The following SPEG variants were observed in gnomAD, a reference collection of about 807,000 sequenced individuals.
SPEG encodes striated muscle preferentially expressed protein kinase.
A neutral mutation model predicts 300.4 loss-of-function variants in SPEG; 114 were observed. The observed-to-expected ratio is 0.38, with a 90% confidence interval of 0.33 to 0.44. The LOEUF (loss-of-function observed/expected upper bound fraction) is 0.44, where lower values mean the gene tolerates loss of function less well. Ranked by LOEUF, SPEG falls within the 20% of genes least tolerant of loss-of-function variation. SPEG has a pLI of 1.00. For missense variants in SPEG, 4,201 were observed against 4,586.2 expected (o/e 0.92, Z 2.43); for synonymous variants, 1,964 against 2,018.9 (o/e 0.97, Z 0.73).
rs1691278962 is a variant in SPEG at position 219,465,931 on chromosome 2, G to A, written c.2882-1243G>A. On this transcript the variant is annotated intron_variant, in intron 9 of 40. Transcript: ENST00000312358. The stretch of plus-strand genomic sequence containing the variant: ...TGCATGCGTGTGTGTGTGCGCGCGT[G>A]TGCGTGCACGTGTGCGTGCATGTGT... 73 of 628,626 alleles carry A rather than the reference G, an allele frequency of 1.2e-4. 1 individual carries two copies. The South Asian group carries it at 1.4e-3, about 12-fold the overall frequency. The allele number at this position is 628,626 out of a possible 1,614,324, so 38.9% of individuals were successfully genotyped here. A position where few individuals can be genotyped will look rare whatever the true frequency, so the allele number is the denominator to read the frequency against.
rs75509518 is a variant in SPEG, at chr2:219,467,580, C to A, written c.3142+146C>A. 8,390 of 916,680 alleles carry A rather than the reference C, an allele frequency of 9.2e-3. 79 individuals carry two copies. The highest frequency in any genetic ancestry group is 0.02 in the South Asian group (1,171 of 58,442). 56.8% of individuals were successfully genotyped at this position (916,680 alleles called of 1,614,324 possible). Reference sequence around the variant, plus strand: ...GGTGGGAGCTAGTACATTGCCTTGGCCTCAATAAAATAAGCACTTAGAATA... The same window carrying A: ...GGTGGGAGCTAGTACATTGCCTTGGACTCAATAAAATAAGCACTTAGAATA... On this transcript the variant is annotated intron_variant, in intron 10 of 40. Coordinates refer to ENST00000312358, the MANE Select transcript of SPEG (RefSeq NM_005876.5).
chr2:219,468,772 C>G (rs1022919318), intron 11 of SPEG, 36 bp downstream of exon 11: 4 of 1,611,404 alleles, frequency 2.5e-6, no homozygotes, highest in African/African-American at 2.7e-5. Flanking sequence ...GAGGGCCCCC[C>G]CAAGGGCCCA....
At position 219,445,248 on chromosome 2, in the gene SPEG, A is replaced by G. The variant is rs1689194204; in HGVS notation, c.815+87A>G. 2 of 1,236,220 alleles carry G rather than the reference A, an allele frequency of 1.6e-6. No individual in the cohort carries two copies. The highest frequency in any genetic ancestry group is 2.3e-6 in the Non-Finnish European group (2 of 864,860). 76.6% of individuals were successfully genotyped at this position (1,236,220 alleles called of 1,614,324 possible). On this transcript the variant is annotated intron_variant, in intron 3 of 40. Transcript: ENST00000312358. This position sits in a 1 kb window ranked among gnomAD's most constrained non-coding sequence, Gnocchi z 6.1. ...CTCACTGCTCAGTCAGCCTCCACCC[A>G]TCACCCTGCCCCATCCATCTCTCTG...
In SPEG at chr2:219,479,786, C is replaced by A; in HGVS notation, c.5089C>A (p.Arg1697=). 6.2e-7 allele frequency: 1 copy of A among 1,613,842 alleles called. No homozygotes were observed. The highest frequency in any genetic ancestry group is 1.1e-5 in the South Asian group (1 of 91,064). The change falls in exon 24 of 41, where the codon CGG becomes AGG. Residue 1697 remains arginine (R), a synonymous_variant. Transcript: ENST00000312358. This position sits in a 1 kb window ranked among gnomAD's most constrained non-coding sequence, Gnocchi z 5.5. ...RKPTVCESEI[R]AYMRQVLEGI... Reference sequence around the variant, plus strand: ...TCTGGGCCCACTATTTCCACAGATCCGGGCCTATATGCGGCAGGTGCTAGA... The same window carrying A: ...TCTGGGCCCACTATTTCCACAGATCAGGGCCTATATGCGGCAGGTGCTAGA...
chr2:219,461,913 C>T lies in SPEG; in HGVS notation c.2472C>T (p.Ile824=), dbSNP rs537171193. Residue 824 remains isoleucine, a synonymous_variant, in exon 7 of 41, where the codon ATC becomes ATT. Transcript: ENST00000312358. ...CTACATCCCCTTTCAGCAGCCCCATCACCTCCGACGAGGAATACCTGAGCC... is the reference window on the plus strand; with the variant it reads ...CTACATCCCCTTTCAGCAGCCCCATTACCTCCGACGAGGAATACCTGAGCC... ...GGSTSPFSSP[I]TSDEEYLSPP... 8 of 1,613,966 alleles carry T rather than the reference C, an allele frequency of 5.0e-6. No homozygotes were observed. In the East Asian group the frequency reaches 1.3e-4, roughly 27 times the overall value.
chr2:219,441,833 G>C (rs1351635632), intron 1 of SPEG, among the ~76,000 whole-genome samples: 2 of 151,594 alleles, frequency 1.3e-5, no homozygotes, highest in Non-Finnish European at 3.0e-5. Flanking sequence ...TGGGGTGCAG[G>C]CTGGCGAGGG....
chr2:219,476,778 C>A lies in SPEG; in HGVS notation c.4448-92C>A, dbSNP rs919575965. The A allele has an allele frequency of 6.1e-6, 6 of 975,886 alleles. No homozygotes were observed. The African/African-American group carries it at 9.7e-5, about 16-fold the overall frequency. 60.5% of individuals were successfully genotyped at this position (975,886 alleles called of 1,614,324 possible). ...GGTCTAGCGTTCTGACTGAGCCAGT[C>A]ACTGATGGGGGATCTTGGGAGGGGC... On this transcript the variant is annotated intron_variant, in intron 18 of 40. Coordinates refer to ENST00000312358, the MANE Select transcript of SPEG (RefSeq NM_005876.5).
chr2:219,475,140 T>C (rs748037297), intron 18 of SPEG, among the ~76,000 whole-genome samples: 4 of 152,146 alleles, frequency 2.6e-5, no homozygotes, highest in Non-Finnish European at 5.9e-5. Flanking sequence ...AACTAGTTAC[T>C]ACCTAATGCA....
chr2:219,477,473 A>G lies in SPEG; in HGVS notation c.4729+28A>G. On this transcript the variant is annotated intron_variant, in intron 20 of 40. Transcript: ENST00000312358. The surrounding 1 kb of genome is among the most constrained non-coding windows in gnomAD (Gnocchi z 6.4). ...AGGCAGGAGTTCCGGAGAAAGGTAA[A>G]GCGCACACCCCCTGGAATCTGATGT... The G allele has an allele frequency of 1.3e-6, 2 of 1,545,394 alleles. No homozygotes were observed. The highest frequency in any genetic ancestry group is 2.4e-5 in the South Asian group (2 of 82,306).
In SPEG at chr2:219,472,897, C is replaced by G. The variant is rs1417408832; in HGVS notation, c.3948C>G (p.Asp1316Glu). Residue 1316 changes from aspartate to glutamate, a missense_variant, in exon 16 of 41, where the codon GAC becomes GAG. This residue lies in a region of SPEG where 1,047 missense variants were observed against 1,356.8 expected (regional missense o/e 0.77). Transcript: ENST00000312358. ...PRSLDMAIDP[D>E]SLTYTVQHQV... ...TAGCTCCTCTCCCGCCAGACCCGGA[C>G]TCCCTGACGTACACAGTGCAGCACC... The G allele has an allele frequency of 6.3e-7, 1 of 1,582,718 alleles. No homozygotes were observed. The highest frequency in any genetic ancestry group is 8.6e-7 in the Non-Finnish European group (1 of 1,160,196).
intron 15 of SPEG, 107 bp downstream of exon 15, chr2:219,472,438 G>A (rs1691967207): frequency 1.1e-6 from 1 of 921,870 alleles, no homozygotes. Flanking sequence ...GGCAGGGGCA[G>A]GAGCTGATGG....
chr2:219,460,333 C>T (rs1690555467), intron 6 of SPEG: 2 of 985,278 alleles, frequency 2.0e-6, no homozygotes, highest in Admixed American at 6.1e-5. Flanking sequence ...TGCCCTGGCT[C>T]TGTAGTATTT....
rs1692450703 is a variant in SPEG, at chr2:219,477,430, T to C, written c.4714T>C (p.Leu1572=). 6.3e-7 allele frequency: 1 copy of C among 1,590,384 alleles called. No individual in the cohort carries two copies. Among genetic ancestry groups the C allele is most frequent in the East Asian group, 2.3e-5 (1 of 44,224 alleles). The change falls in exon 20 of 41, where the codon TTG becomes CTG. Residue 1572 remains leucine, a synonymous_variant. Coordinates refer to ENST00000312358, the MANE Select transcript of SPEG (RefSeq NM_005876.5). This position sits in a 1 kb window ranked among gnomAD's most constrained non-coding sequence, Gnocchi z 6.4. Reference sequence around the variant, plus strand: ...GGGTGAGGTCTCCTGCAAAGCAGAGTTGGCTGTGCATTCAGGTAGGCAGGA... The same window carrying C: ...GGGTGAGGTCTCCTGCAAAGCAGAGCTGGCTGTGCATTCAGGTAGGCAGGA... ...LAGEVSCKAE[L]AVHSAQTAME...
Position 219,473,700 on chromosome 2 carries a change from G to T in SPEG, c.4272-28G>T. On this transcript the variant is annotated intron_variant, in intron 17 of 40. Transcript: ENST00000312358. The surrounding 1 kb of genome is among the most constrained non-coding windows in gnomAD (Gnocchi z 4.6). ...CCGGAATGCCCTGGGGCAAGATCTG[G>T]GTGACCTCCCTGTCATGTGTCCCCT... The T allele has an allele frequency of 6.2e-7, 1 of 1,612,886 alleles. No individual in the cohort carries two copies.
chr2:219,457,520 G>T (rs1358153868), intron 6 of SPEG, among the ~76,000 whole-genome samples: 1 of 152,262 alleles, frequency 6.6e-6, no homozygotes, highest in Non-Finnish European at 1.5e-5. Context: ...GGAGGTGGAG[G>T]TTGCAGTGAG....
intron 6 of SPEG, among the ~76,000 whole-genome samples, chr2:219,452,854 C>CA (rs1689873529): frequency 6.6e-6 from 1 of 152,190 alleles, no homozygotes; most frequent in Non-Finnish European, 1.5e-5. Context: ...CCCAGGGCCT[C>CA]AGCACCTGAG....
Position 219,484,690 on chromosome 2 carries a change from C to T in SPEG, c.7227C>T (p.Leu2409=). ...GAGAGCCTGGCCTCGTCCGCCGCCT[C>T]TCGCTGTCACTGTCCCAGCGGCTGC... ...AVGEPGLVRR[L]SLSLSQRLRR... is the part of the protein sequence containing the mutation. The change falls in exon 30 of 41, where the codon CTC becomes CTT. Residue 2409 remains leucine (L), a synonymous_variant. Transcript: ENST00000312358. 2 of 1,517,518 alleles carry T rather than the reference C, an allele frequency of 1.3e-6. No individual in the cohort carries two copies. Among genetic ancestry groups the T allele is most frequent in the Non-Finnish European group, 1.8e-6 (2 of 1,141,274 alleles). The allele number at this position is 1,517,518 out of a possible 1,614,324, so 94.0% of individuals were successfully genotyped here.
Position 219,492,132 on chromosome 2 carries a change from C to T in SPEG, c.9483C>T (p.Phe3161=). The part of the protein sequence containing the change: ...TYIMLSGRSP[F]YEPDPQETEA... ...ACAGGCTCAGTGGACGCTCCCCGTT[C>T]TATGAGCCAGACCCCCAGGAAACGG... The change falls in exon 40 of 41, where the codon TTC becomes TTT. Residue 3161 remains phenylalanine, a synonymous_variant. Transcript: ENST00000312358. 1.2e-6 allele frequency: 2 copies of T among 1,613,350 alleles called. No individual in the cohort carries two copies. The highest frequency in any genetic ancestry group is 1.7e-6 in the Non-Finnish European group (2 of 1,179,624).
At chr2:219,442,113 G>A in intron 1 of SPEG, 3 of 1,181,484 alleles carry the variant, frequency 2.5e-6, no homozygotes, top group Non-Finnish European at 3.2e-6. Flanking sequence ...GCGGCGCCGG[G>A]AGGGGGCAGG....
Sources: allele counts gnomAD v4.1 joint callset (sites outside exome capture counted in the v4.1 genomes callset), GRCh38; gene constraint gnomAD v4.1.1; regional missense constraint gnomAD v4.1.1; non-coding constraint Gnocchi (gnomAD v3.1); transcripts MANE v1.5; gene names NCBI Gene and HGNC (gene_info 2026-07-23, HGNC 2026-07-21).